Variants in CHST8 observed in about 807,000 individuals in gnomAD.
The protein encoded by CHST8 is GALNAC-4-ST1.
Under a neutral mutation model 15.0 loss-of-function variants are expected in CHST8, and 10 were observed. That is an observed-to-expected ratio of 0.67 (90% CI 0.41 to 1.13). CHST8 has a LOEUF of 1.13. Ranked by LOEUF, CHST8 falls within the 50% of genes most tolerant of loss-of-function variation. The pLI is 0.00. For synonymous variants in CHST8, 259 were observed against 256.6 expected, an observed-to-expected ratio of 1.01 and a Z score of -0.09; for missense variants, 634 against 608.2, an observed-to-expected ratio of 1.04 and a Z score of -0.45.
chr19:33,729,827 G>A (rs927544729), intron 3 of CHST8, among the ~76,000 whole-genome samples: 4 of 152,208 alleles, frequency 2.6e-5, no homozygotes, highest in African/African-American at 9.6e-5. Flanking sequence ...GTCGACTGGT[G>A]GAAGAGTGCA....
At chr19:33,739,760 G>T (rs1349400693) in intron 3 of CHST8, among the ~76,000 whole-genome samples, 4 of 152,142 alleles carry the variant, frequency 2.6e-5, no homozygotes, top group African/African-American at 7.2e-5. Flanking sequence ...GTCCCTGAAT[G>T]CTTAGGTAAG....
intron 2 of CHST8, among the ~76,000 whole-genome samples, chr19:33,684,168 G>A (rs986788676): frequency 1.3e-5 from 2 of 152,206 alleles, no homozygotes; most frequent in Admixed American, 6.5e-5. Flanking sequence ...CTCCTAGTAG[G>A]GCTATGGTGG....
intron 2 of CHST8, among the ~76,000 whole-genome samples, chr19:33,676,264 T>G (rs1972807943): frequency 6.6e-6 from 1 of 152,190 alleles, no homozygotes; most frequent in Non-Finnish European, 1.5e-5. Context: ...GGTCATCAGA[T>G]GTGTCATTTA....
At chr19:33,763,768 T>C (rs757820299) in intron 3 of CHST8, among the ~76,000 whole-genome samples, 1 of 152,182 alleles carries the variant, frequency 6.6e-6, no homozygotes, top group Non-Finnish European at 1.5e-5. Context: ...CTGCCTCAGA[T>C]GGAGGATGCA....
At chr19:33,656,082 AT>A (rs902146729) in intron 1 of CHST8, among the ~76,000 whole-genome samples, 13 of 152,158 alleles carry the variant, frequency 8.5e-5, no homozygotes, top group African/African-American at 1.9e-4. Context: ...CATTAGCATA[AT>A]TTTTTGTAGT....
chr19:33,765,889 G>A (rs1203794407), intron 3 of CHST8, among the ~76,000 whole-genome samples: 1 of 152,112 alleles, frequency 6.6e-6, no homozygotes, highest in African/African-American at 2.4e-5. Flanking sequence ...GTGATTTGCT[G>A]TAAAATGTGT....
At chr19:33,744,747 A>ATTAT (rs994301823) in intron 3 of CHST8, among the ~76,000 whole-genome samples, 12 of 151,876 alleles carry the variant, frequency 7.9e-5, no homozygotes, top group East Asian at 1.9e-4. Context: ...TAATTGATTT[A>ATTAT]TTATTTATTT....
intron 3 of CHST8, among the ~76,000 whole-genome samples, chr19:33,764,115 G>A (rs1164612569): frequency 6.6e-6 from 1 of 152,182 alleles, no homozygotes; most frequent in Non-Finnish European, 1.5e-5. Flanking sequence ...CCAGCTTCTG[G>A]GAAGCCCCAT....
chr19:33,638,410 G>A (rs1972234985), intron 1 of CHST8, among the ~76,000 whole-genome samples: 1 of 152,138 alleles, frequency 6.6e-6, no homozygotes, highest in African/African-American at 2.4e-5. Context: ...ATTTGATCTC[G>A]GGCAAATGTC....
chr19:33,772,903 G>A lies in CHST8; in HGVS notation c.1115G>A (p.Arg372Gln). 1 of 1,613,492 alleles carries A rather than the reference G, an allele frequency of 6.2e-7. No homozygotes were observed. Among genetic ancestry groups the A allele is most frequent in the Non-Finnish European group, 8.5e-7 (1 of 1,180,044 alleles). The part of the protein sequence containing the change: ...IRAPRNLTFP[R>Q]FKDRHSQEAR... The stretch of plus-strand genomic sequence containing the variant: ...GCGCCGCGGAACCTGACCTTCCCCC[G>A]GTTCAAGGACCGGCACTCGCAGGAG... The change falls in exon 5 of 5, where the codon CGG becomes CAG. Residue 372 changes from arginine to glutamine, a missense_variant. Coordinates refer to ENST00000650847, the MANE Select transcript of CHST8 (RefSeq NM_001127895.2).
At chr19:33,700,072 G>A (rs972763893) in intron 3 of CHST8, among the ~76,000 whole-genome samples, 3 of 152,154 alleles carry the variant, frequency 2.0e-5, no homozygotes, top group Non-Finnish European at 2.9e-5. Flanking sequence ...TCCGGTCCTC[G>A]CGCAGCTGGG....
intron 3 of CHST8, among the ~76,000 whole-genome samples, chr19:33,756,052 G>T (rs1191167353): frequency 1.3e-5 from 2 of 152,136 alleles, no homozygotes; most frequent in African/African-American, 4.8e-5. Flanking sequence ...CCTGCAAATG[G>T]CACCTCTCTT....
chr19:33,629,110 C>T (rs756480067), intron 1 of CHST8, among the ~76,000 whole-genome samples: 2 of 152,070 alleles, frequency 1.3e-5, no homozygotes, highest in African/African-American at 4.8e-5. Context: ...AGCTGCTCGA[C>T]GGCCAGACCC....
At chr19:33,721,525 G>A (rs75377550) in intron 3 of CHST8, among the ~76,000 whole-genome samples, 2,649 of 151,740 alleles carry the variant, frequency 0.017, 53 homozygotes, top group African/African-American at 0.05. Flanking sequence ...TGGGTGGATG[G>A]ATGGATAGAT....
intron 3 of CHST8, among the ~76,000 whole-genome samples, chr19:33,755,992 GC>G (rs1974538032): frequency 6.6e-6 from 1 of 152,128 alleles, no homozygotes; most frequent in South Asian, 2.1e-4. Context: ...TCTTCCAGGA[GC>G]CCAGTAAGCT....
At chr19:33,710,898 G>A (rs1973536432) in intron 3 of CHST8, among the ~76,000 whole-genome samples, 1 of 149,222 alleles carries the variant, frequency 6.7e-6, no homozygotes, top group Admixed American at 6.6e-5. Flanking sequence ...TTAAGGGGTA[G>A]GGTCTCACTC....
chr19:33,699,957 G>A (rs1033491644), intron 3 of CHST8, among the ~76,000 whole-genome samples: 10 of 152,218 alleles, frequency 6.6e-5, no homozygotes, highest in African/African-American at 2.4e-4. Flanking sequence ...AAAGGAGGGT[G>A]ATAGAGGCAA....
chr19:33,653,881 AC>A lies in CHST8; in HGVS notation c.-163-13885del, dbSNP rs547407694. Among the ~76,000 whole-genome samples, 43 of 152,316 alleles carry A rather than the reference AC, an allele frequency of 2.8e-4. No homozygotes were observed. In the South Asian group the frequency reaches 7.1e-3, roughly 25 times the overall value. On this transcript the variant is annotated intron_variant, in intron 1 of 4. Coordinates refer to ENST00000650847, the MANE Select transcript of CHST8 (RefSeq NM_001127895.2). ...CTCTTGAGTGCCCTAGAGACTCTGT[AC>A]TGACACTGACACAGTTGCCCAGAAG...
At chr19:33,714,217 A>G (rs898786519) in intron 3 of CHST8, among the ~76,000 whole-genome samples, 2 of 152,252 alleles carry the variant, frequency 1.3e-5, no homozygotes, top group South Asian at 2.1e-4. Context: ...TTGCAGCAGT[A>G]CTATTCACAG....
Sources: allele counts gnomAD v4.1 joint callset (sites outside exome capture counted in the v4.1 genomes callset), GRCh38; gene constraint gnomAD v4.1.1; transcripts MANE v1.5; gene names NCBI Gene and HGNC (gene_info 2026-07-23, HGNC 2026-07-21).